The following GABRG1 variants were observed in gnomAD, a reference collection of about 807,000 sequenced individuals.
The protein encoded by GABRG1 is gamma-aminobutyric acid type A receptor subunit gamma1.
Under a neutral mutation model 49.8 loss-of-function variants are expected in GABRG1, and 49 were observed. The observed-to-expected ratio is 0.98, with a 90% CI of 0.78 to 1.25. GABRG1 has a LOEUF of 1.25. GABRG1 is among the 50% of genes most tolerant of loss of function. The pLI, the probability that GABRG1 is intolerant of heterozygous loss-of-function variation, is 0.00. For synonymous variants in GABRG1, 232 were observed against 185.1 expected (o/e 1.25, Z -2.06); for missense variants, 552 against 552.3 (o/e 1.00, Z 0.01).
intron 7 of GABRG1, 32 bp downstream of exon 7, chr4:46,058,185 A>T: frequency 6.4e-7 from 1 of 1,572,356 alleles, no homozygotes; most frequent in Non-Finnish European, 8.6e-7. Context: ...TTAAAGTTCT[A>T]TGGCATTATA....
intron 3 of GABRG1, among the ~76,000 whole-genome samples, chr4:46,077,046 C>CATAGT (rs1173267582): frequency 1.4e-5 from 2 of 145,958 alleles, no homozygotes; most frequent in Non-Finnish European, 3.0e-5. Flanking sequence ...AAAGTAATGA[C>CATAGT]ATAGTATATC....
intron 7 of GABRG1, among the ~76,000 whole-genome samples, chr4:46,052,600 G>C (rs1022177293): frequency 2.0e-5 from 3 of 151,668 alleles, no homozygotes; most frequent in Non-Finnish European, 4.4e-5. Context: ...ATTAATCTTA[G>C]GTCTCCTAAA....
intron 1 of GABRG1, among the ~76,000 whole-genome samples, chr4:46,114,218 G>T (rs535636075): frequency 6.6e-6 from 1 of 151,058 alleles, no homozygotes; most frequent in South Asian, 2.1e-4. Context: ...TAAACTTTCA[G>T]AATTTTATTA....
chr4:46,051,596 G>A lies in GABRG1; in HGVS notation c.959C>T (p.Ala320Val). 1 of 1,610,848 alleles carries A rather than the reference G, an allele frequency of 6.2e-7. No individual in the cohort carries two copies. Residue 320 changes from alanine to valine, a missense_variant, in exon 8 of 9, where the codon GCC becomes GTC. Transcript: ENST00000295452. ...VLTMTTLSTI[A>V]RKSLPKVSYV... Reference sequence around the variant, plus strand: ...AGAAACCTTAGGTAAAGACTTCCTGGCAATTGTACTCAGGGTTGTCATAGT... The same window carrying A: ...AGAAACCTTAGGTAAAGACTTCCTGACAATTGTACTCAGGGTTGTCATAGT...
intron 2 of GABRG1, among the ~76,000 whole-genome samples, chr4:46,090,806 C>T (rs931774352): frequency 6.6e-6 from 1 of 151,910 alleles, no homozygotes; most frequent in African/African-American, 2.4e-5. Flanking sequence ...GGTATATTTG[C>T]TGTTTGACAG....
chr4:46,090,551 C>T (rs1719941802), intron 2 of GABRG1, among the ~76,000 whole-genome samples: 1 of 151,808 alleles, frequency 6.6e-6, no homozygotes, highest in Non-Finnish European at 1.5e-5. Context: ...AAAACAGACA[C>T]AAAATAATAA....
intron 3 of GABRG1, among the ~76,000 whole-genome samples, chr4:46,076,022 T>C (rs1473687499): frequency 1.3e-5 from 2 of 151,852 alleles, no homozygotes; most frequent in Non-Finnish European, 2.9e-5. Context: ...ATTGTGATGA[T>C]GGCTACCCTA....
In GABRG1 at chr4:46,093,322, T is replaced by C. The variant is rs909345747; in HGVS notation, c.253+3879A>G. Among the ~76,000 whole-genome samples the C allele has an allele frequency of 3.3e-5, 5 of 152,038 alleles. No individual in the cohort carries two copies. In the South Asian group the frequency reaches 6.2e-4, roughly 19 times the overall value. On this transcript the variant is annotated intron_variant, in intron 2 of 8. Coordinates refer to ENST00000295452, the MANE Select transcript of GABRG1 (RefSeq NM_173536.4). Reference sequence around the variant, plus strand: ...TTTGCAACAACATGGATAGAACTGATGACATTATGTTAAGTGAAATAAACC... The same window carrying C: ...TTTGCAACAACATGGATAGAACTGACGACATTATGTTAAGTGAAATAAACC...
In GABRG1 at chr4:46,064,306, T is replaced by A. The variant is rs984441378; in HGVS notation, c.625+135A>T. 3.1e-5 allele frequency: 15 copies of A among 491,710 alleles called. No individual in the cohort carries two copies. The African/African-American group carries it at 3.1e-4, about 10-fold the overall frequency. The allele number at this position is 491,710 out of a possible 1,614,324, so 30.5% of individuals were successfully genotyped here. A position where few individuals can be genotyped will look rare whatever the true frequency, so the allele number is the denominator to read the frequency against. ...AAGCAAGAAGCAAATATATTATTTG[T>A]AATTATTTTATCTAAAAGAATTGAA... On this transcript the variant is annotated intron_variant, in intron 5 of 8. Coordinates refer to ENST00000295452, the MANE Select transcript of GABRG1 (RefSeq NM_173536.4).
At chr4:46,119,226 A>C (rs1214930967) in intron 1 of GABRG1, among the ~76,000 whole-genome samples, 1 of 151,374 alleles carries the variant, frequency 6.6e-6, no homozygotes, top group East Asian at 1.9e-4. Context: ...TTTTCTGCTT[A>C]ATGTGATTTT....
chr4:46,099,221 C>T (rs1485264581), intron 1 of GABRG1, among the ~76,000 whole-genome samples: 1 of 151,664 alleles, frequency 6.6e-6, no homozygotes, highest in Non-Finnish European at 1.5e-5. Context: ...TCCTGTTGAA[C>T]TCAGGTCTGA....
At chr4:46,112,550 C>G (rs73146818) in intron 1 of GABRG1, among the ~76,000 whole-genome samples, 1 of 151,282 alleles carries the variant, frequency 6.6e-6, no homozygotes, top group Non-Finnish European at 1.5e-5. Context: ...TTCCATGCAG[C>G]ACTGTTCACA....
chr4:46,064,669 T>C, intron 4 of GABRG1, 146 bp from the exon 5 acceptor site: 1 of 402,680 alleles, frequency 2.5e-6, no homozygotes, highest in Non-Finnish European at 4.5e-6. Context: ...AGTCTCAAAG[T>C]CTTAAATAGC....
intron 1 of GABRG1, among the ~76,000 whole-genome samples, chr4:46,118,052 G>A (rs1292672752): frequency 7.6e-6 from 1 of 130,746 alleles, no homozygotes; most frequent in East Asian, 2.1e-4. Context: ...GTATACATGT[G>A]TGTATGTATA....
At chr4:46,088,420 C>T (rs11945551) in intron 2 of GABRG1, among the ~76,000 whole-genome samples, 88,536 of 151,728 alleles carry the variant, frequency 0.58, 26,544 homozygotes, top group African/African-American at 0.69. Flanking sequence ...TCCTGAAAAA[C>T]AAAACACAGA....
intron 1 of GABRG1, among the ~76,000 whole-genome samples, chr4:46,112,017 T>G (rs1720733271): frequency 6.6e-6 from 1 of 151,316 alleles, no homozygotes; most frequent in Admixed American, 6.6e-5. Flanking sequence ...GAAGAGCTTC[T>G]GCAGAGCAAA....
chr4:46,104,872 G>C (rs1239471708), intron 1 of GABRG1, among the ~76,000 whole-genome samples: 2 of 151,360 alleles, frequency 1.3e-5, no homozygotes, highest in African/African-American at 2.4e-5. Flanking sequence ...TCTTTTAATG[G>C]TAATGTGGGA....
At chr4:46,098,138 C>T (rs1219751606) in intron 1 of GABRG1, among the ~76,000 whole-genome samples, 1 of 151,726 alleles carries the variant, frequency 6.6e-6, no homozygotes, top group Non-Finnish European at 1.5e-5. Flanking sequence ...AACATTGCCT[C>T]TCCAACTATT....
intron 7 of GABRG1, among the ~76,000 whole-genome samples, chr4:46,057,230 G>A (rs1349351257): frequency 6.6e-6 from 1 of 152,052 alleles, no homozygotes. Flanking sequence ...ATGGCCAAGA[G>A]AACTTCAAGT....
Sources: allele counts gnomAD v4.1 joint callset (sites outside exome capture counted in the v4.1 genomes callset), GRCh38; gene constraint gnomAD v4.1.1; transcripts MANE v1.5; gene names NCBI Gene and HGNC (gene_info 2026-07-23, HGNC 2026-07-21).